The following PIK3C2G variants were observed in gnomAD, a reference collection of about 807,000 sequenced individuals.
The protein encoded by PIK3C2G is phosphatidylinositol-4-phosphate 3-kinase catalytic subunit type 2 gamma, also known as phosphatidylinositol 3-kinase C2 domain-containing subunit gamma.
PIK3C2G carries 168 observed loss-of-function variants against 181.1 expected under a neutral mutation model. The ratio of observed to expected loss-of-function variants is 0.93; its 90% confidence interval spans 0.82 to 1.05. PIK3C2G has a LOEUF of 1.05. Ranked by LOEUF, PIK3C2G falls within the 50% of genes least tolerant of loss-of-function variation. The pLI is 0.00. For synonymous variants in PIK3C2G, 573 were observed against 592.2 expected (o/e 0.97, Z 0.47); for missense variants, 1,869 against 1,732.8 (o/e 1.08, Z -1.40).
chr12:18,341,273 T>A (rs889669672), intron 9 of PIK3C2G, among the ~76,000 whole-genome samples: 6 of 152,160 alleles, frequency 3.9e-5, no homozygotes, highest in Non-Finnish European at 8.8e-5. Flanking sequence ...AAAGAATTCT[T>A]CACAAAGGAA....
At chr12:18,614,920 A>G (rs1043087530) in intron 31 of PIK3C2G, among the ~76,000 whole-genome samples, 1 of 152,084 alleles carries the variant, frequency 6.6e-6, no homozygotes, top group African/African-American at 2.4e-5. Context: ...TTGCACCATC[A>G]TCAAGTAATT....
At chr12:18,650,683 T>TGC (rs1950414658), downstream of PIK3C2G, among the ~76,000 whole-genome samples, 1 of 45,360 alleles carries the variant, frequency 2.2e-5, no homozygotes, top group South Asian at 9.5e-4. Context: ...TGTGTGTGTG[T>TGC]GTGTGTGTGT....
intron 16 of PIK3C2G, among the ~76,000 whole-genome samples, chr12:18,401,594 G>A (rs1357686042): frequency 1.3e-5 from 2 of 152,030 alleles, no homozygotes; most frequent in Admixed American, 1.3e-4. Context: ...ACAACTGACA[G>A]AATAAGAGAA....
At chr12:18,381,441 T>C (rs1185392378) in intron 13 of PIK3C2G, among the ~76,000 whole-genome samples, 1 of 152,186 alleles carries the variant, frequency 6.6e-6, no homozygotes, top group Non-Finnish European at 1.5e-5. Context: ...AATATAAATC[T>C]GAAATTCTTA....
At chr12:18,530,415 A>C (rs1172481177) in intron 24 of PIK3C2G, among the ~76,000 whole-genome samples, 2 of 152,126 alleles carry the variant, frequency 1.3e-5, no homozygotes, top group Non-Finnish European at 2.9e-5. Context: ...TTGTCTCTCC[A>C]AAGTTTAAAT....
chr12:18,265,180 A>G (rs192847348), intron 1 of PIK3C2G, among the ~76,000 whole-genome samples: 1 of 152,248 alleles, frequency 6.6e-6, no homozygotes, highest in East Asian at 1.9e-4. Context: ...TTTAATCTGT[A>G]CTTCTGCCAC....
At chr12:18,409,964 C>A (rs956195033) in intron 16 of PIK3C2G, among the ~76,000 whole-genome samples, 3 of 151,990 alleles carry the variant, frequency 2.0e-5, no homozygotes, top group Non-Finnish European at 2.9e-5. Context: ...AACCGGATAT[C>A]ATTAGAACTC....
At chr12:18,621,789 G>A (rs1052787905) in intron 31 of PIK3C2G, among the ~76,000 whole-genome samples, 1 of 151,524 alleles carries the variant, frequency 6.6e-6, no homozygotes, top group Non-Finnish European at 1.5e-5. Flanking sequence ...TCTTGTTACT[G>A]GCTTAAACTG....
At chr12:18,446,836 TA>T (rs1200499717) in intron 18 of PIK3C2G, among the ~76,000 whole-genome samples, 2 of 152,188 alleles carry the variant, frequency 1.3e-5, no homozygotes, top group Non-Finnish European at 2.9e-5. Flanking sequence ...TCTGTATATA[TA>T]CAGTCTACTG....
the PIK3C2G span, among the ~76,000 whole-genome samples, chr12:18,671,185 T>C: frequency 1.0e-5 from 1 of 96,800 alleles, no homozygotes; most frequent in African/African-American, 3.4e-5. Flanking sequence ...TGAGACTCCA[T>C]CTAAAAAAAA....
At chr12:18,590,938 T>G (rs1401015648) in intron 29 of PIK3C2G, among the ~76,000 whole-genome samples, 1 of 151,902 alleles carries the variant, frequency 6.6e-6, no homozygotes, top group African/African-American at 2.4e-5. Context: ...TAGTGACATT[T>G]CAGACACCAA....
At chr12:18,706,143 G>C in the PIK3C2G span, among the ~76,000 whole-genome samples, 1 of 151,142 alleles carries the variant, frequency 6.6e-6, no homozygotes, top group Non-Finnish European at 1.5e-5. Context: ...TGAGGCAGGA[G>C]AATTGCTTGA....
intron 9 of PIK3C2G, 78 bp downstream of exon 9, chr12:18,338,626 C>G: frequency 1.1e-6 from 1 of 903,472 alleles, no homozygotes; most frequent in South Asian, 1.5e-5. Context: ...AGACTTTTTA[C>G]TAACAACTAT....
Position 18,503,329 on chromosome 12 carries a change from GC to G in PIK3C2G, c.3067del (p.His1023IlefsTer4). 6.2e-7 allele frequency: 1 copy of G among 1,611,404 alleles called. No homozygotes were observed. Among genetic ancestry groups the G allele is most frequent in the Non-Finnish European group, 8.5e-7 (1 of 1,178,162 alleles). ...GCTGTGACCCTAGCAAAGATTCATCGCCATTCTGGACTGATAGGACCATTGA... is the reference window on the plus strand; with the variant it reads ...GCTGTGACCCTAGCAAAGATTCATCGCATTCTGGACTGATAGGACCATTGA... ...PDAVTLAKIHRHSGLIGPLKE... is the reference protein window; with the variant it reads ...PDAVTLAKIHXHSGLIGPLKE... On this transcript the variant is annotated frameshift_variant, in exon 23 of 33. Transcript: ENST00000538779. LOFTEE classifies it high-confidence loss of function.
intron 24 of PIK3C2G, among the ~76,000 whole-genome samples, chr12:18,533,941 C>CTTTTTT (rs542327503): frequency 0.012 from 1,134 of 91,450 alleles, no homozygotes; most frequent in Non-Finnish European, 0.016. Context: ...CCTGCTATTT[C>CTTTTTT]TTTTTTTTTT....
At chr12:18,292,656 G>A (rs555134394) in intron 4 of PIK3C2G, among the ~76,000 whole-genome samples, 1 of 152,274 alleles carries the variant, frequency 6.6e-6, no homozygotes, top group South Asian at 2.1e-4. Context: ...ATTATGATAT[G>A]TGAATATGAG....
intron 29 of PIK3C2G, among the ~76,000 whole-genome samples, chr12:18,586,967 T>A (rs1946814823): frequency 6.6e-6 from 1 of 151,948 alleles, no homozygotes; most frequent in Non-Finnish European, 1.5e-5. Flanking sequence ...CACATGACTA[T>A]CCCAATAGAT....
At chr12:18,693,341 G>A in the PIK3C2G span, 13 of 1,571,236 alleles carry the variant, frequency 8.3e-6, no homozygotes, top group Non-Finnish European at 1.1e-5. Context: ...CAGATACTGG[G>A]GGGTTGGACA....
At position 18,513,376 on chromosome 12, in the gene PIK3C2G, C is replaced by CTT. The variant is rs5796757; in HGVS notation, c.3323+7924_3323+7925dup. Among the ~76,000 whole-genome samples, 587 of 148,882 alleles carry CTT rather than the reference C, an allele frequency of 3.9e-3. 2 individuals are homozygous for CTT. The highest frequency in any genetic ancestry group is 0.012 in the African/African-American group (507 of 40,748). On this transcript the variant is annotated intron_variant, in intron 24 of 32. Coordinates refer to ENST00000538779, the MANE Select transcript of PIK3C2G (RefSeq NM_001288772.2). The stretch of plus-strand genomic sequence containing the variant: ...GAAGAGTTTGAAAAGAATTGGTATT[C>CTT]TTTTTTTTTTATGTTTGATAGAATT...
Sources: gnomAD v4.1 joint callset for allele counts (sites outside exome capture counted in the v4.1 genomes callset) on GRCh38, gnomAD v4.1.1 for gene constraint, MANE v1.5 for transcripts, NCBI Gene and HGNC (gene_info 2026-07-23, HGNC 2026-07-21) for gene names.